IL20RA: variants seen among roughly 807,000 people sequenced by gnomAD.
IL20RA encodes the protein interleukin 20 receptor subunit alpha.
In IL20RA, 29 loss-of-function variants were observed where a neutral mutation model predicts 36.5. The ratio of observed to expected loss-of-function variants is 0.79; its 90% CI spans 0.59 to 1.08. IL20RA has a LOEUF of 1.08. Among genes scored for constraint, IL20RA ranks in the 50% least tolerant of loss-of-function variants. The probability of loss-of-function intolerance (pLI) is 0.00; values close to 1 mark genes in which losing one functional copy is unlikely to be tolerated. For missense variants in IL20RA, 652 were observed against 668.4 expected, an observed-to-expected ratio of 0.98 and a Z score of 0.27; for synonymous variants, 279 against 267.1, an observed-to-expected ratio of 1.04 and a Z score of -0.43.
At chr6:137,044,512 G>C (rs977824272) in intron 1 of IL20RA, 129 bp downstream of exon 1, 22 of 1,005,248 alleles carry the variant, frequency 2.2e-5, no homozygotes, top group Non-Finnish European at 2.8e-5. Context: ...CGCGCACCTC[G>C]TCCTCTGCCC....
At chr6:137,034,404 T>A (rs1431976355) in intron 1 of IL20RA, among the ~76,000 whole-genome samples, 1 of 152,248 alleles carries the variant, frequency 6.6e-6, no homozygotes, top group Non-Finnish European at 1.5e-5. Flanking sequence ...TTTTTTATAT[T>A]TTATTTTATT....
chr6:137,020,847 T>C lies in IL20RA; in HGVS notation c.89-3744A>G, dbSNP rs546826998. Among the ~76,000 whole-genome samples the C allele has an allele frequency of 3.3e-5, 5 of 152,318 alleles. No individual in the cohort carries two copies. In the South Asian group the frequency reaches 6.2e-4, roughly 19 times the overall value. On this transcript the variant is annotated intron_variant, in intron 1 of 6. Transcript: ENST00000316649. Reference sequence around the variant, plus strand: ...CTTTTAGACCTGCAGTTTCTTCCTTTGGATTGACGTTATCTTTCTGATGGC... The same window carrying C: ...CTTTTAGACCTGCAGTTTCTTCCTTCGGATTGACGTTATCTTTCTGATGGC...
At chr6:137,040,980 C>G (rs9494632) in intron 1 of IL20RA, among the ~76,000 whole-genome samples, 4,603 of 152,270 alleles carry the variant, frequency 0.03, 82 homozygotes, top group African/African-American at 0.04. Context: ...AAGAGACCAC[C>G]TTAACCAAGC....
intron 1 of IL20RA, chr6:137,042,665 T>C (rs1776740137): frequency 6.6e-6 from 1 of 152,186 alleles, no homozygotes; most frequent in African/African-American, 2.4e-5. Context: ...GTTCATGACA[T>C]GCTGAGTTTT....
intron 6 of IL20RA, among the ~76,000 whole-genome samples, chr6:137,003,502 A>G (rs1006839348): frequency 1.3e-5 from 2 of 151,974 alleles, no homozygotes; most frequent in African/African-American, 4.8e-5. Flanking sequence ...TTCTCTCTAG[A>G]CTGATATCCC....
At chr6:137,025,861 T>C (rs1776067725) in intron 1 of IL20RA, among the ~76,000 whole-genome samples, 2 of 152,218 alleles carry the variant, frequency 1.3e-5, no homozygotes, top group Admixed American at 1.3e-4. Context: ...AGCCTACGCA[T>C]ACGTGAGTGC....
chr6:137,026,063 C>T (rs1327575291), intron 1 of IL20RA, among the ~76,000 whole-genome samples: 2 of 152,192 alleles, frequency 1.3e-5, no homozygotes, highest in Non-Finnish European at 2.9e-5. Context: ...CAAATGTGAT[C>T]ACTTCTGGAG....
intron 2 of IL20RA, among the ~76,000 whole-genome samples, chr6:137,011,957 C>T (rs750623554): frequency 4.6e-5 from 7 of 152,244 alleles, no homozygotes; most frequent in Middle Eastern, 6.8e-3. Flanking sequence ...CAGAAATCTG[C>T]ATTTTTGATA....
At chr6:137,025,843 C>G (rs751650897) in intron 1 of IL20RA, among the ~76,000 whole-genome samples, 6 of 152,136 alleles carry the variant, frequency 3.9e-5, no homozygotes, top group Non-Finnish European at 7.4e-5. Flanking sequence ...TAGTTGTACT[C>G]AAGGAAAAGC....
intron 3 of IL20RA, among the ~76,000 whole-genome samples, chr6:137,009,972 T>G (rs1009547240): frequency 1.3e-5 from 2 of 152,156 alleles, no homozygotes; most frequent in African/African-American, 4.8e-5. Flanking sequence ...TGCCAGATCT[T>G]GAAACCATCC....
intron 1 of IL20RA, among the ~76,000 whole-genome samples, chr6:137,021,788 A>C (rs1775916265): frequency 6.7e-6 from 1 of 149,756 alleles, no homozygotes; most frequent in South Asian, 2.2e-4. Context: ...GATATGAGCA[A>C]GTTGGTTGGC....
chr6:137,005,960 C>A (rs1020704170), intron 5 of IL20RA, among the ~76,000 whole-genome samples: 1 of 152,122 alleles, frequency 6.6e-6, no homozygotes, highest in South Asian at 2.1e-4. Context: ...ATAAATATAT[C>A]GATATGTGCA....
chr6:137,032,153 T>A (rs977094735), intron 1 of IL20RA, among the ~76,000 whole-genome samples: 2 of 151,794 alleles, frequency 1.3e-5, no homozygotes, highest in South Asian at 4.2e-4. Context: ...GGAAAAAGAT[T>A]GTTGTGTTGT....
chr6:137,031,908 G>A (rs566277178), intron 1 of IL20RA, among the ~76,000 whole-genome samples: 19 of 151,384 alleles, frequency 1.3e-4, no homozygotes, highest in Non-Finnish European at 2.4e-4. Flanking sequence ...AAAATTAGTC[G>A]GTCGTGGCAG....
In IL20RA at chr6:137,001,844, G is replaced by C. The variant is rs1435608517; in HGVS notation, c.1376C>G (p.Pro459Arg). The C allele has an allele frequency of 3.7e-6, 6 of 1,613,580 alleles. No individual in the cohort carries two copies. Among genetic ancestry groups the C allele is most frequent in the Non-Finnish European group, 5.1e-6 (6 of 1,179,704 alleles). Residue 459 changes from proline to arginine, a missense_variant, in exon 7 of 7, where the codon CCC becomes CGC. Pro to Arg is a moderately radical substitution (Grantham distance 103, BLOSUM62 -2). Coordinates refer to ENST00000316649, the MANE Select transcript of IL20RA (RefSeq NM_014432.4). Reference sequence around the variant, plus strand: ...CGAGTCTGTGTGCTCCTGCGCCAGGGGGTCTAAGTCTTGGAGCTGAGGGGT... The same window carrying C: ...CGAGTCTGTGTGCTCCTGCGCCAGGCGGTCTAAGTCTTGGAGCTGAGGGGT... ...SYTPQLQDLD[P>R]LAQEHTDSEE... is the part of the protein sequence containing the mutation.
At chr6:137,004,156 A>T in intron 6 of IL20RA, among the ~76,000 whole-genome samples, 2 of 103,842 alleles carry the variant, frequency 1.9e-5, no homozygotes, top group Admixed American at 1.1e-4. Context: ...CTAATCCAGA[A>T]AGCTTTTTTT....
intron 2 of IL20RA, among the ~76,000 whole-genome samples, chr6:137,016,760 T>A (rs981535): frequency 6.6e-6 from 1 of 151,992 alleles, no homozygotes; most frequent in Non-Finnish European, 1.5e-5. Context: ...AACCTTGCCT[T>A]GCCTGAGCCC....
intron 5 of IL20RA, among the ~76,000 whole-genome samples, chr6:137,005,596 A>G (rs1035664104): frequency 1.3e-5 from 2 of 152,200 alleles, no homozygotes; most frequent in Non-Finnish European, 2.9e-5. Flanking sequence ...GCTAGGCCAC[A>G]GTATGCAGAT....
rs1555498 is a variant in IL20RA, at chr6:137,004,710, C to T, written c.775G>A (p.Val259Ile). ...GAAAAAAGAAACACGGTAATAGATA[C>T]GGGCAAAACATACCAGAAGATGATT... is the stretch of plus-strand genomic sequence containing the variant. ...AKIIFWYVLP[V>I]SITVFLFSVM... The change falls in exon 6 of 7, where the codon GTA becomes ATA. Residue 259 changes from valine (V) to isoleucine (I), a missense_variant. Physicochemically the swap from Val to Ile is conservative, Grantham distance 29 (BLOSUM62 3). Coordinates refer to ENST00000316649, the MANE Select transcript of IL20RA (RefSeq NM_014432.4). 0.97 allele frequency: 1,562,881 copies of T among 1,609,136 alleles called. 767,584 individuals carry two copies. Among genetic ancestry groups the T allele is most frequent in the East Asian group, 1 (44,811 of 44,832 alleles).
Sources: gnomAD v4.1 joint callset for allele counts (sites outside exome capture counted in the v4.1 genomes callset) on GRCh38, gnomAD v4.1.1 for gene constraint, MANE v1.5 for transcripts, NCBI Gene and HGNC (gene_info 2026-07-23, HGNC 2026-07-21) for gene names.